MALT1: variants seen among roughly 807,000 people sequenced by gnomAD.
The protein encoded by MALT1 is MALT1 paracaspase, also known as mucosa-associated lymphoid tissue lymphoma translocation protein 1.
Under a neutral mutation model 85.5 loss-of-function variants are expected in MALT1, and 36 were observed. The ratio of observed to expected loss-of-function variants is 0.42; its 90% CI spans 0.32 to 0.56. MALT1 has a LOEUF of 0.56. Among genes scored for constraint, MALT1 ranks in the 20% least tolerant of loss-of-function variants. MALT1 has a pLI of 0.10. For missense variants in MALT1, 716 were observed against 981.6 expected, an observed-to-expected ratio of 0.73 and a Z score of 3.62; for synonymous variants, 359 against 361.3, an observed-to-expected ratio of 0.99 and a Z score of 0.07.
intron 3 of MALT1, among the ~76,000 whole-genome samples, chr18:58,699,245 G>C (rs1014199441): frequency 6.6e-5 from 10 of 152,152 alleles, no homozygotes; most frequent in African/African-American, 2.4e-4. Flanking sequence ...AGAAAAAGGA[G>C]GTAATTTCTG....
chr18:58,746,691 C>A (rs1568158621), intron 16 of MALT1, among the ~76,000 whole-genome samples: 1 of 152,038 alleles, frequency 6.6e-6, no homozygotes, highest in African/African-American at 2.4e-5. Context: ...ATTTTAAAAA[C>A]AGCTTAAGCT....
rs1266108723 is a variant in MALT1 at position 58,748,369 on chromosome 18, G to GTGAAATATATTTATA, written c.*529_*543dup. On this transcript the variant is annotated 3_prime_UTR_variant, in exon 17 of 17. Coordinates refer to ENST00000649217, the MANE Select transcript of MALT1 (RefSeq NM_006785.4). Reference sequence around the variant, plus strand: ...GATAAGTGTTATGTTTGTAGATAGAGTGAAATATATTTATATATATATAAA... The same window carrying GTGAAATATATTTATA: ...GATAAGTGTTATGTTTGTAGATAGAGTGAAATATATTTATATGAAATATATTTATATATATATAAA... 5.4e-6 allele frequency: 1 copy of GTGAAATATATTTATA among 184,674 alleles called. No individual in the cohort carries two copies. The highest frequency in any genetic ancestry group is 8.6e-5 in the East Asian group (1 of 11,634). 11.4% of individuals were successfully genotyped at this position (184,674 alleles called of 1,614,324 possible).
chr18:58,672,495 C>G (rs12052026), intron 1 of MALT1: 24,528 of 151,986 alleles, frequency 0.16, 2,516 homozygotes, highest in East Asian at 0.29. Flanking sequence ...GTTTTGGTCT[C>G]GAGACTCCTT....
chr18:58,729,501 A>G (rs1391795831), intron 10 of MALT1, among the ~76,000 whole-genome samples: 4 of 144,434 alleles, frequency 2.8e-5, no homozygotes. Context: ...AAAAAAAAAA[A>G]AAAAGAAAAA....
intron 16 of MALT1, among the ~76,000 whole-genome samples, chr18:58,746,371 C>T (rs1375013343): frequency 6.6e-6 from 1 of 152,178 alleles, no homozygotes; most frequent in Non-Finnish European, 1.5e-5. Flanking sequence ...TTTCCTAGTT[C>T]TATGACTAGA....
intron 1 of MALT1, among the ~76,000 whole-genome samples, chr18:58,679,916 G>A (rs1314377384): frequency 6.6e-6 from 1 of 152,146 alleles, no homozygotes; most frequent in East Asian, 1.9e-4. Flanking sequence ...TATCAAAAGA[G>A]CCAGGAGTGG....
At chr18:58,722,866 G>A (rs1347293895) in intron 9 of MALT1, among the ~76,000 whole-genome samples, 182 bp from the exon 10 acceptor site, 1 of 152,118 alleles carries the variant, frequency 6.6e-6, no homozygotes, top group Non-Finnish European at 1.5e-5. Flanking sequence ...TAGCATCTGT[G>A]TTCCTCAGAG....
chr18:58,718,871 C>T (rs144931406), intron 9 of MALT1, among the ~76,000 whole-genome samples: 120 of 151,862 alleles, frequency 7.9e-4, no homozygotes, highest in African/African-American at 2.7e-3. Context: ...TTTTCAAGGA[C>T]GAATTGGGAG....
intron 2 of MALT1, among the ~76,000 whole-genome samples, chr18:58,686,069 C>G (rs573626882): frequency 6.6e-6 from 1 of 152,002 alleles, no homozygotes; most frequent in Non-Finnish European, 1.5e-5. Context: ...ACTCTGTCAC[C>G]CAGGCTGGAG....
intron 2 of MALT1, among the ~76,000 whole-genome samples, chr18:58,682,931 G>A (rs146436931): frequency 1.3e-5 from 2 of 152,090 alleles, no homozygotes; most frequent in African/African-American, 2.4e-5. Flanking sequence ...ATTTCCCAGC[G>A]CCTCTTCCTA....
chr18:58,673,820 C>T (rs752515191), intron 1 of MALT1, among the ~76,000 whole-genome samples: 3 of 151,970 alleles, frequency 2.0e-5, no homozygotes, highest in South Asian at 4.1e-4. Context: ...ATAATAGTGA[C>T]TTGGGATTAT....
chr18:58,733,375 CTCT>C lies in MALT1; in HGVS notation c.1223-20_1223-18del. 5 of 1,527,308 alleles carry C rather than the reference CTCT, an allele frequency of 3.3e-6. No homozygotes were observed. The highest frequency in any genetic ancestry group is 3.6e-6 in the Non-Finnish European group (4 of 1,118,260). The allele number at this position is 1,527,308 out of a possible 1,614,324, so 94.6% of individuals were successfully genotyped here. ...GCATTTAGAATTGACATCTATCTCTCTCTTATTTTTCCTCTTTTCAGGGTTATT... is the reference window on the plus strand; with the variant it reads ...GCATTTAGAATTGACATCTATCTCTCTATTTTTCCTCTTTTCAGGGTTATT... On this transcript the variant is annotated intron_variant, in intron 10 of 16. Coordinates refer to ENST00000649217, the MANE Select transcript of MALT1 (RefSeq NM_006785.4).
Position 58,698,104 on chromosome 18 carries a change from G to A in MALT1, c.498+1617G>A, listed in dbSNP as rs549948691. Among the ~76,000 whole-genome samples, 7 of 130,880 alleles carry A rather than the reference G, an allele frequency of 5.3e-5. No individual in the cohort carries two copies. In the South Asian group the frequency reaches 1.6e-3, roughly 30 times the overall value. The allele number at this position is 130,880 out of a possible 152,430, so 85.9% of individuals were successfully genotyped here. On this transcript the variant is annotated intron_variant, in intron 3 of 16. Transcript: ENST00000649217. Reference sequence around the variant, plus strand: ...TTTTTTTGAGATGGAGTCTCGCTCTGTCGCCAGGCTGGAGTGCAGTGGCGC... The same window carrying A: ...TTTTTTTGAGATGGAGTCTCGCTCTATCGCCAGGCTGGAGTGCAGTGGCGC...
chr18:58,676,442 G>T (rs2054241265), intron 1 of MALT1, among the ~76,000 whole-genome samples: 1 of 152,006 alleles, frequency 6.6e-6, no homozygotes, highest in Non-Finnish European at 1.5e-5. Flanking sequence ...TCTTCAACCT[G>T]ATATCTTCTT....
chr18:58,752,004 A>G lies in MALT1; in HGVS notation c.*4162A>G, dbSNP rs1182393974. On this transcript the variant is annotated 3_prime_UTR_variant, in exon 17 of 17. Transcript: ENST00000649217. ...CATTTAGACATTGCCTTCTTCCCCCATCTCTAATGCCTCTTTTCAAATCTC... is the reference window on the plus strand; with the variant it reads ...CATTTAGACATTGCCTTCTTCCCCCGTCTCTAATGCCTCTTTTCAAATCTC... 6.6e-6 allele frequency: 1 copy of G among 152,194 alleles called. No homozygotes were observed. The highest frequency in any genetic ancestry group is 2.4e-5 in the African/African-American group (1 of 41,448). The allele number at this position is 152,194 out of a possible 1,614,324, so 9.4% of individuals were successfully genotyped here.
rs1033674869 is a variant in MALT1 at position 58,753,257 on chromosome 18, C to G, written c.*5415C>G. On this transcript the variant is annotated 3_prime_UTR_variant, in exon 17 of 17. Coordinates refer to ENST00000649217, the MANE Select transcript of MALT1 (RefSeq NM_006785.4). ...TCTCCCAGGCTGTAGTGCAGTGGCA[C>G]GTCTTGGTTCGCCGCAACCTCCGCC... 1 of 152,106 alleles carries G rather than the reference C, an allele frequency of 6.6e-6. No homozygotes were observed. The highest frequency in any genetic ancestry group is 1.5e-5 in the Non-Finnish European group (1 of 68,070). The allele number at this position is 152,106 out of a possible 1,614,324, so 9.4% of individuals were successfully genotyped here.
rs2055420585 is a variant in MALT1 at position 58,749,698 on chromosome 18, A to G, written c.*1856A>G. On this transcript the variant is annotated 3_prime_UTR_variant, in exon 17 of 17. Transcript: ENST00000649217. ...ATGAGGATCAACTGTACCATATTTAATAAAGCACAAAACCCACACAGATTG... is the reference window on the plus strand; with the variant it reads ...ATGAGGATCAACTGTACCATATTTAGTAAAGCACAAAACCCACACAGATTG... 1 of 221,028 alleles carries G rather than the reference A, an allele frequency of 4.5e-6. No individual in the cohort carries two copies. The highest frequency in any genetic ancestry group is 9.1e-6 in the Non-Finnish European group (1 of 110,432). The allele number at this position is 221,028 out of a possible 1,614,324, so 13.7% of individuals were successfully genotyped here.
chr18:58,688,594 T>A (rs1435290638), intron 2 of MALT1, among the ~76,000 whole-genome samples: 1 of 150,462 alleles, frequency 6.6e-6, no homozygotes, highest in East Asian at 1.9e-4. Flanking sequence ...TAGTCTTGTG[T>A]CCCATACAAA....
intron 3 of MALT1, among the ~76,000 whole-genome samples, chr18:58,698,106 C>T (rs1393737487): frequency 2.2e-5 from 3 of 134,844 alleles, no homozygotes; most frequent in East Asian, 2.3e-4. Flanking sequence ...CTCGCTCTGT[C>T]GCCAGGCTGG....
Sources: gnomAD v4.1 joint callset for allele counts (sites outside exome capture counted in the v4.1 genomes callset) on GRCh38, gnomAD v4.1.1 for gene constraint, MANE v1.5 for transcripts, NCBI Gene and HGNC (gene_info 2026-07-23, HGNC 2026-07-21) for gene names.